The following RNGTT variants were observed in gnomAD, a reference collection of about 807,000 sequenced individuals.
RNGTT encodes RNA guanylyltransferase and 5'-phosphatase, also known as mRNA-capping enzyme.
A neutral mutation model predicts 79.3 loss-of-function variants in RNGTT; 33 were observed. The ratio of observed to expected loss-of-function variants is 0.42; its 90% CI spans 0.32 to 0.56. The LOEUF is 0.56. Ranked by LOEUF, RNGTT falls within the 20% of genes least tolerant of loss-of-function variation. The pLI is 0.17. For synonymous variants in RNGTT, 222 were observed against 235.9 expected, an observed-to-expected ratio of 0.94 and a Z score of 0.54; for missense variants, 497 against 739.1, an observed-to-expected ratio of 0.67 and a Z score of 3.80.
intron 11 of RNGTT, among the ~76,000 whole-genome samples, chr6:88,840,757 T>C (rs1435286734): frequency 2.0e-5 from 3 of 152,132 alleles, no homozygotes; most frequent in African/African-American, 7.2e-5. Context: ...AAGCTAAGTA[T>C]AAAGAAAAAC....
At chr6:88,932,338 G>A (rs1562049929) in intron 2 of RNGTT, among the ~76,000 whole-genome samples, 1 of 152,072 alleles carries the variant, frequency 6.6e-6, no homozygotes, top group Non-Finnish European at 1.5e-5. Context: ...GTGCACAGTG[G>A]GACAGGGAAC....
chr6:88,924,281 G>A (rs962391138), intron 4 of RNGTT, among the ~76,000 whole-genome samples: 1 of 152,128 alleles, frequency 6.6e-6, no homozygotes, highest in Non-Finnish European at 1.5e-5. Flanking sequence ...CTACCAGCAT[G>A]TACTTTAATT....
At chr6:88,838,466 A>G (rs1190034406) in intron 11 of RNGTT, among the ~76,000 whole-genome samples, 1 of 152,298 alleles carries the variant, frequency 6.6e-6, no homozygotes, top group African/African-American at 2.4e-5. Context: ...GGAAAAAAGT[A>G]TATTTCTATA....
chr6:88,629,350 A>T (rs1772757667), intron 14 of RNGTT, among the ~76,000 whole-genome samples: 1 of 152,182 alleles, frequency 6.6e-6, no homozygotes, highest in African/African-American at 2.4e-5. Flanking sequence ...GGGGGAAAAA[A>T]GATGCAAACA....
chr6:88,783,767 G>A (rs561948594), intron 12 of RNGTT, among the ~76,000 whole-genome samples: 65 of 147,984 alleles, frequency 4.4e-4, no homozygotes, highest in African/African-American at 1.6e-3. Flanking sequence ...TCCGTGCAAT[G>A]TAGGAGGTTT....
At chr6:88,673,814 C>T (rs556172516) in intron 14 of RNGTT, among the ~76,000 whole-genome samples, 9 of 152,300 alleles carry the variant, frequency 5.9e-5, no homozygotes, top group African/African-American at 1.9e-4. Context: ...GTAACTCACA[C>T]CATGCACACA....
chr6:88,704,296 C>T, intron 13 of RNGTT, among the ~76,000 whole-genome samples: 1 of 140,992 alleles, frequency 7.1e-6, no homozygotes, highest in Admixed American at 7.1e-5. Context: ...AGACAGACTT[C>T]AATCCTTTGT....
At chr6:88,842,360 C>G (rs984741256) in intron 11 of RNGTT, among the ~76,000 whole-genome samples, 10 of 151,782 alleles carry the variant, frequency 6.6e-5, no homozygotes, top group Non-Finnish European at 1.5e-4. Flanking sequence ...TGCTTTTAAA[C>G]ACTAGATCTG....
chr6:88,677,889 G>C (rs937624056), intron 14 of RNGTT: 1 of 150,192 alleles, frequency 6.7e-6, no homozygotes, highest in Non-Finnish European at 1.5e-5. Context: ...ACTATGGCAA[G>C]AATATTAAAA....
intron 11 of RNGTT, among the ~76,000 whole-genome samples, chr6:88,832,596 A>C (rs1780909677): frequency 6.6e-6 from 1 of 152,234 alleles, no homozygotes; most frequent in South Asian, 2.1e-4. Flanking sequence ...GATCTAATTA[A>C]ACTAAAGAGC....
chr6:88,664,031 G>A (rs1159523237), intron 14 of RNGTT, among the ~76,000 whole-genome samples: 3 of 152,106 alleles, frequency 2.0e-5, no homozygotes, highest in Non-Finnish European at 4.4e-5. Context: ...GAGAGTGCTC[G>A]AGGTAGCAAC....
rs140665729 is a variant in RNGTT at position 88,876,789 on chromosome 6, C to T, written c.896+13706G>A. Among the ~76,000 whole-genome samples, 1,442 of 152,276 alleles carry T rather than the reference C, an allele frequency of 9.5e-3. 23 individuals carry two copies. The highest frequency in any genetic ancestry group is 0.032 in the African/African-American group (1,330 of 41,556). ...CTTTCAAAGCTTCACATGTTTGCTGCCCCCAGAACCTGGCCAACTGAAAAT... is the reference window on the plus strand; with the variant it reads ...CTTTCAAAGCTTCACATGTTTGCTGTCCCCAGAACCTGGCCAACTGAAAAT... On this transcript the variant is annotated intron_variant, in intron 8 of 15. Coordinates refer to ENST00000369485, the MANE Select transcript of RNGTT (RefSeq NM_003800.5).
chr6:88,779,592 ACTC>A (rs1254776863), intron 12 of RNGTT, among the ~76,000 whole-genome samples: 91 of 152,198 alleles, frequency 6.0e-4, no homozygotes, highest in African/African-American at 2.2e-3. Context: ...AACTTAAGTA[ACTC>A]CTCATCTCAT....
intron 1 of RNGTT, among the ~76,000 whole-genome samples, chr6:88,952,236 C>T (rs995817169): frequency 2.0e-5 from 3 of 152,088 alleles, no homozygotes; most frequent in African/African-American, 4.8e-5. Context: ...CCAAGAACCA[C>T]CCCCCATCCC....
chr6:88,842,514 G>A (rs1021615354), intron 11 of RNGTT, among the ~76,000 whole-genome samples: 1 of 152,048 alleles, frequency 6.6e-6, no homozygotes, highest in Non-Finnish European at 1.5e-5. Flanking sequence ...GGCATAAACA[G>A]AATTAGTATG....
chr6:88,923,348 A>G (rs1784220535), intron 4 of RNGTT, among the ~76,000 whole-genome samples: 1 of 152,138 alleles, frequency 6.6e-6, no homozygotes, highest in Non-Finnish European at 1.5e-5. Flanking sequence ...TCCTTAAAAT[A>G]AGTTCGTAGT....
rs900676443 is a variant in RNGTT, at chr6:88,803,446, C to T, written c.1270-1814G>A. 3.3e-5 allele frequency among the ~76,000 whole-genome samples: 5 copies of T among 151,608 alleles called. No homozygotes were observed. In the East Asian group the frequency reaches 5.8e-4, roughly 18 times the overall value. On this transcript the variant is annotated intron_variant, in intron 11 of 15. Coordinates refer to ENST00000369485, the MANE Select transcript of RNGTT (RefSeq NM_003800.5). The stretch of plus-strand genomic sequence containing the variant: ...AAAAATTAACCGGTGTGGTGGCGCG[C>T]GCCTGTAGTCCCAGCTACTACTCAC...
chr6:88,781,518 A>G (rs577095859), intron 12 of RNGTT, among the ~76,000 whole-genome samples: 3 of 150,982 alleles, frequency 2.0e-5, no homozygotes, highest in Admixed American at 6.6e-5. Context: ...AAACAATGGA[A>G]TCAATTATGA....
intron 14 of RNGTT, among the ~76,000 whole-genome samples, chr6:88,617,458 T>C (rs965107465): frequency 1.3e-5 from 2 of 152,360 alleles, no homozygotes; most frequent in East Asian, 1.9e-4. Flanking sequence ...TCCCATTGTG[T>C]AGTATTGGCG....
Sources: allele counts gnomAD v4.1 joint callset (sites outside exome capture counted in the v4.1 genomes callset), GRCh38; gene constraint gnomAD v4.1.1; transcripts MANE v1.5; gene names NCBI Gene and HGNC (gene_info 2026-07-23, HGNC 2026-07-21).